MIOS: variants seen among roughly 807,000 people sequenced by gnomAD.
MIOS encodes GATOR2 complex protein MIOS.
Under a neutral mutation model 96.9 loss-of-function variants are expected in MIOS, and 52 were observed. The ratio of observed to expected loss-of-function variants is 0.54; its 90% confidence interval spans 0.43 to 0.68. MIOS has a LOEUF of 0.68. MIOS is among the 30% of genes least tolerant of loss of function. The pLI, the probability that MIOS is intolerant of heterozygous loss-of-function variation, is 0.00. For missense variants in MIOS, 1,005 were observed against 1,052.8 expected (o/e 0.95, Z 0.63); for synonymous variants, 397 against 359.5 (o/e 1.10, Z -1.18).
At chr7:7,570,628 C>T (rs1415868021) in intron 3 of MIOS, among the ~76,000 whole-genome samples, 1 of 151,844 alleles carries the variant, frequency 6.6e-6, no homozygotes, top group Non-Finnish European at 1.5e-5. Context: ...ACTAGATGGT[C>T]CCATATGGGA....
At chr7:7,575,266 A>T (rs1251001157) in intron 5 of MIOS, among the ~76,000 whole-genome samples, 1 of 152,108 alleles carries the variant, frequency 6.6e-6, no homozygotes, top group East Asian at 1.9e-4. Flanking sequence ...AAAATAATAA[A>T]ATATTTTAGA....
At chr7:7,597,012 T>C (rs1391005385) in intron 11 of MIOS, among the ~76,000 whole-genome samples, 2 of 151,912 alleles carry the variant, frequency 1.3e-5, no homozygotes, top group African/African-American at 2.4e-5. Flanking sequence ...CTGAGCAAAA[T>C]AGTGAGACCC....
chr7:7,598,010 T>C lies in MIOS; in HGVS notation c.2401+1549T>C, dbSNP rs181712349. Among the ~76,000 whole-genome samples the C allele has an allele frequency of 2.9e-3, 449 of 152,360 alleles. 6 individuals carry two copies. Among genetic ancestry groups the C allele is most frequent in the Admixed American group, 0.01 (154 of 15,300 alleles). On this transcript the variant is annotated intron_variant, in intron 11 of 12. Coordinates refer to ENST00000340080, the MANE Select transcript of MIOS (RefSeq NM_019005.4). ...AATATTAAGATTATTTTTTATTCTT[T>C]ATAGTAAACATATGGGAAAAAATTT...
chr7:7,570,039 C>G (rs1302986099), intron 3 of MIOS, among the ~76,000 whole-genome samples: 1 of 151,362 alleles, frequency 6.6e-6, no homozygotes, highest in Non-Finnish European at 1.5e-5. Context: ...GGAAGGATAG[C>G]CTGGTCAAGG....
intron 11 of MIOS, among the ~76,000 whole-genome samples, chr7:7,601,037 A>T (rs1407984002): frequency 6.7e-6 from 1 of 148,976 alleles, no homozygotes; most frequent in African/African-American, 2.5e-5. Context: ...AAGACACAAC[A>T]TACCAGAATC....
chr7:7,592,129 C>T (rs2115445546), intron 9 of MIOS, among the ~76,000 whole-genome samples: 1 of 152,296 alleles, frequency 6.6e-6, no homozygotes, highest in Non-Finnish European at 1.5e-5. Context: ...GCTGGGATTA[C>T]AGGCATGTGC....
chr7:7,600,555 A>G (rs896083633), intron 11 of MIOS, among the ~76,000 whole-genome samples: 1 of 152,222 alleles, frequency 6.6e-6, no homozygotes, highest in Non-Finnish European at 1.5e-5. Context: ...AGGAGCACCC[A>G]GATTCATAAA....
Position 7,573,828 on chromosome 7 carries a change from G to A in MIOS, c.1294+59G>A. 1 of 1,453,444 alleles carries A rather than the reference G, an allele frequency of 6.9e-7. No homozygotes were observed. 90.0% of individuals were successfully genotyped at this position (1,453,444 alleles called of 1,614,324 possible). The stretch of plus-strand genomic sequence containing the variant: ...TCAGGTAGAAATGTTCTTGAAGTTT[G>A]CCAAAAGGTCAGTCTGTAAATATGC... On this transcript the variant is annotated intron_variant, in intron 4 of 12. Transcript: ENST00000340080. The surrounding 1 kb of genome is among the most constrained non-coding windows in gnomAD (Gnocchi z 5.0).
Position 7,608,532 on chromosome 7 carries a change from T to G in MIOS, c.*1440T>G, listed in dbSNP as rs937343862. 2 of 151,976 alleles carry G rather than the reference T, an allele frequency of 1.3e-5. No individual in the cohort carries two copies. Among genetic ancestry groups the G allele is most frequent in the Admixed American group, 6.6e-5 (1 of 15,220 alleles). The allele number at this position is 151,976 out of a possible 1,614,324, so 9.4% of individuals were successfully genotyped here. A position where few individuals can be genotyped will look rare whatever the true frequency, so the allele number is the denominator to read the frequency against. ...TCTAAATGTCTCACCTGCATGACAG[T>G]CTTTTCAAATGAAAGACATGGTAAT... On this transcript the variant is annotated 3_prime_UTR_variant, in exon 13 of 13. Coordinates refer to ENST00000340080, the MANE Select transcript of MIOS (RefSeq NM_019005.4).
At chr7:7,577,177 A>G (rs1783562041) in intron 5 of MIOS, among the ~76,000 whole-genome samples, 1 of 152,182 alleles carries the variant, frequency 6.6e-6, no homozygotes, top group Non-Finnish European at 1.5e-5. Flanking sequence ...TGTAGGAGAA[A>G]GATCTATATG....
intron 5 of MIOS, among the ~76,000 whole-genome samples, chr7:7,578,552 G>T (rs1372128977): frequency 3.3e-5 from 5 of 152,050 alleles, no homozygotes; most frequent in Non-Finnish European, 5.9e-5. Context: ...CTGAGAATTT[G>T]TCTATGCAAA....
At position 7,571,399 on chromosome 7, in the gene MIOS, T is replaced by G. The variant is rs575667595; in HGVS notation, c.-40-1037T>G. Among the ~76,000 whole-genome samples the G allele has an allele frequency of 1.8e-4, 27 of 152,336 alleles. 1 individual carries two copies. In the South Asian group the frequency reaches 5.2e-3, roughly 29 times the overall value. ...CCTCTAATGATCACTTAATCCACTT[T>G]CTCAGAGTGTGGTATGTGTGTACCA... is the stretch of plus-strand genomic sequence containing the variant. On this transcript the variant is annotated intron_variant, in intron 3 of 12. Transcript: ENST00000340080.
rs1488929588 is a variant in MIOS at position 7,583,955 on chromosome 7, GATCCT to G, written c.1648+584_1648+588del. Among the ~76,000 whole-genome samples the G allele has an allele frequency of 2.0e-5, 3 of 152,034 alleles. No homozygotes were observed. In the East Asian group the frequency reaches 5.8e-4, roughly 29 times the overall value. On this transcript the variant is annotated intron_variant, in intron 6 of 12. Coordinates refer to ENST00000340080, the MANE Select transcript of MIOS (RefSeq NM_019005.4). Reference sequence around the variant, plus strand: ...TTTTTACTCTGGCATTTTGCCAGAGGATCCTCGGAAAAACAAATCCTAATACAAAA... The same window carrying G: ...TTTTTACTCTGGCATTTTGCCAGAGGCGGAAAAACAAATCCTAATACAAAA...
chr7:7,604,545 G>A (rs1784472842), intron 11 of MIOS, among the ~76,000 whole-genome samples: 1 of 152,102 alleles, frequency 6.6e-6, no homozygotes, highest in African/African-American at 2.4e-5. Context: ...TTAACTTCTG[G>A]ACAATGACAC....
Position 7,595,072 on chromosome 7 carries a change from A to G in MIOS, c.2136A>G (p.Lys712=), listed in dbSNP as rs371609214. 28 of 1,614,114 alleles carry G rather than the reference A, an allele frequency of 1.7e-5. No individual in the cohort carries two copies. In the African/African-American group the frequency reaches 3.5e-4, roughly 20 times the overall value. Residue 712 remains lysine (K), a synonymous_variant, in exon 10 of 13, where the codon AAA becomes AAG. Transcript: ENST00000340080. The part of the protein sequence containing the change: ...NLLDAWRFWH[K]RAEFDIHRSK... ...TAGATGCCTGGAGGTTTTGGCATAA[A>G]CGAGCTGAATTTGATATTCACAGGA...
chr7:7,580,883 T>C (rs28667363), intron 5 of MIOS, among the ~76,000 whole-genome samples: 143,961 of 149,308 alleles, frequency 0.96, 69,453 homozygotes, highest in East Asian at 1. Context: ...GACCGGGTTT[T>C]GCCATGTTGG....
intron 9 of MIOS, among the ~76,000 whole-genome samples, chr7:7,591,854 A>T (rs1046554352): frequency 6.6e-6 from 1 of 151,978 alleles, no homozygotes. Context: ...TTCTGCCTCA[A>T]TCTTATTCGG....
At chr7:7,592,741 C>T (rs1246012791) in intron 9 of MIOS, among the ~76,000 whole-genome samples, 1 of 152,106 alleles carries the variant, frequency 6.6e-6, no homozygotes, top group Non-Finnish European at 1.5e-5. Context: ...CTAATGCCAC[C>T]ACTGATCTGA....
At chr7:7,590,284 G>T (rs150819728) in intron 9 of MIOS, among the ~76,000 whole-genome samples, 1 of 152,204 alleles carries the variant, frequency 6.6e-6, no homozygotes, top group East Asian at 1.9e-4. Flanking sequence ...AGAGACACTA[G>T]CCCACAGACC....
Sources: allele counts gnomAD v4.1 joint callset (sites outside exome capture counted in the v4.1 genomes callset), GRCh38; gene constraint gnomAD v4.1.1; non-coding constraint Gnocchi (gnomAD v3.1); transcripts MANE v1.5; gene names NCBI Gene and HGNC (gene_info 2026-07-23, HGNC 2026-07-21).